Variants in TBC1D1 observed in about 807,000 individuals in gnomAD.
The protein encoded by TBC1D1 is TBC1 domain family member 1.
Under a neutral mutation model 125.6 loss-of-function variants are expected in TBC1D1, and 89 were observed. The observed-to-expected ratio is 0.71, with a 90% confidence interval of 0.60 to 0.85. The LOEUF (loss-of-function observed/expected upper bound fraction) is 0.85, where lower values mean the gene tolerates loss of function less well. Ranked by LOEUF, TBC1D1 falls within the 40% of genes least tolerant of loss-of-function variation. The pLI, the probability that TBC1D1 is intolerant of heterozygous loss-of-function variation, is 0.00. For missense variants in TBC1D1, 1,377 were observed against 1,469.2 expected (o/e 0.94, Z 1.03); for synonymous variants, 565 against 564.1 (o/e 1.00, Z -0.02).
At chr4:38,098,519 A>G (rs1187805500) in intron 14 of TBC1D1, among the ~76,000 whole-genome samples, 1 of 152,188 alleles carries the variant, frequency 6.6e-6, no homozygotes, top group Non-Finnish European at 1.5e-5. Context: ...GGCACAGATG[A>G]TTGAGCATTC....
chr4:38,069,129 C>CT (rs1754257363), intron 12 of TBC1D1, among the ~76,000 whole-genome samples: 1 of 152,166 alleles, frequency 6.6e-6, no homozygotes, highest in Non-Finnish European at 1.5e-5. Context: ...GAAATAGAGG[C>CT]TTTAGGGGAA....
At chr4:37,940,597 G>C (rs987964004) in intron 2 of TBC1D1, among the ~76,000 whole-genome samples, 2 of 152,184 alleles carry the variant, frequency 1.3e-5, no homozygotes, top group Non-Finnish European at 2.9e-5. Flanking sequence ...TCCCTGTCTT[G>C]TGCCAGTTTT....
intron 2 of TBC1D1, among the ~76,000 whole-genome samples, chr4:37,933,766 A>G (rs986232793): frequency 2.0e-5 from 3 of 151,960 alleles, no homozygotes; most frequent in African/African-American, 7.3e-5. Context: ...ACTGATCGGA[A>G]TCACCATGGG....
At chr4:38,119,947 T>C (rs1309978420) in intron 17 of TBC1D1, 1 of 985,270 alleles carries the variant, frequency 1.0e-6, no homozygotes, top group African/African-American at 1.7e-5. Flanking sequence ...GTTCTGGGGC[T>C]CTGGAAGAGA....
At chr4:37,919,572 G>A (rs1720488639) in intron 2 of TBC1D1, among the ~76,000 whole-genome samples, 1 of 151,932 alleles carries the variant, frequency 6.6e-6, no homozygotes, top group African/African-American at 2.4e-5. Context: ...ACTCATATGT[G>A]ATCACTGGTT....
chr4:37,895,099 G>C (rs896949764), intron 1 of TBC1D1, among the ~76,000 whole-genome samples: 1 of 152,214 alleles, frequency 6.6e-6, no homozygotes, highest in Non-Finnish European at 1.5e-5. Context: ...AAAGGGCCTG[G>C]GTTCAAATCC....
intron 2 of TBC1D1, among the ~76,000 whole-genome samples, chr4:37,925,054 C>A (rs17425152): frequency 1.3e-5 from 2 of 152,150 alleles, no homozygotes; most frequent in South Asian, 4.1e-4. Flanking sequence ...CTGTGCTATG[C>A]TCTTGCTGCT....
In TBC1D1 at chr4:38,014,387, T is replaced by C. The variant is rs2152426410; in HGVS notation, c.418-122T>C. The C allele has an allele frequency of 3.3e-6, 3 of 915,908 alleles. No individual in the cohort carries two copies. The highest frequency in any genetic ancestry group is 5.0e-6 in the Non-Finnish European group (3 of 601,066). The allele number at this position is 915,908 out of a possible 1,614,324, so 56.7% of individuals were successfully genotyped here. ...CCCGTGGGCTCCTCCTCCAGTGGGC[T>C]CCTCCTCCAGTGCTCCGCAGTGGAG... On this transcript the variant is annotated intron_variant, in intron 2 of 19. Coordinates refer to ENST00000261439, the MANE Select transcript of TBC1D1 (RefSeq NM_015173.4). The surrounding 1 kb of genome is among the most constrained non-coding windows in gnomAD (Gnocchi z 5.1).
intron 2 of TBC1D1, chr4:37,960,449 C>G (rs550667586): frequency 6.2e-7 from 1 of 1,613,420 alleles, no homozygotes; most frequent in Admixed American, 1.7e-5. Flanking sequence ...CTACTCTGAT[C>G]TACGTTGATA....
intron 2 of TBC1D1, among the ~76,000 whole-genome samples, chr4:37,975,382 C>T (rs1165458650): frequency 2.6e-5 from 4 of 152,192 alleles, no homozygotes; most frequent in African/African-American, 9.7e-5. Flanking sequence ...AGACTAAGAG[C>T]GTGACCACTG....
At chr4:37,964,804 A>G (rs1367477668) in intron 2 of TBC1D1, among the ~76,000 whole-genome samples, 1 of 152,128 alleles carries the variant, frequency 6.6e-6, no homozygotes, top group African/African-American at 2.4e-5. Context: ...ATCTGCTGCC[A>G]TTTCATGTCT....
chr4:37,899,588 T>C (rs1715393552), intron 1 of TBC1D1, among the ~76,000 whole-genome samples: 1 of 151,736 alleles, frequency 6.6e-6, no homozygotes, highest in Non-Finnish European at 1.5e-5. Flanking sequence ...CGGATAAATG[T>C]TACAAAGGTT....
rs544012831 is a variant in TBC1D1, at chr4:38,128,282, T to A, written c.3132+3151T>A. 3.9e-5 allele frequency among the ~76,000 whole-genome samples: 6 copies of A among 152,316 alleles called. No homozygotes were observed. The South Asian group carries it at 1.2e-3, about 32-fold the overall frequency. On this transcript the variant is annotated intron_variant, in intron 18 of 19. Transcript: ENST00000261439. The stretch of plus-strand genomic sequence containing the variant: ...CCCCTCTTTCCCTCTGGTGTTTCTA[T>A]CTGAACTTGACATCTGAGTGTTCTC...
chr4:38,058,639 A>G (rs993850427), intron 12 of TBC1D1, among the ~76,000 whole-genome samples: 5 of 152,238 alleles, frequency 3.3e-5, no homozygotes, highest in African/African-American at 9.6e-5. Context: ...GCAAACTTCA[A>G]TTGGACAGGA....
At chr4:38,065,206 C>T (rs1412433684) in intron 12 of TBC1D1, among the ~76,000 whole-genome samples, 1 of 152,102 alleles carries the variant, frequency 6.6e-6, no homozygotes, top group Non-Finnish European at 1.5e-5. Context: ...CCTTGGCCTC[C>T]CCAAGTGCTG....
chr4:37,952,425 A>G (rs1578015716), intron 2 of TBC1D1: 1 of 275,272 alleles, frequency 3.6e-6, no homozygotes, highest in Non-Finnish European at 7.2e-6. Flanking sequence ...TGGTACATAC[A>G]CACCATGGAA....
intron 2 of TBC1D1, among the ~76,000 whole-genome samples, chr4:38,011,003 T>C (rs1417098462): frequency 6.6e-6 from 1 of 152,238 alleles, no homozygotes; most frequent in Non-Finnish European, 1.5e-5. Context: ...GTTAGAAGGA[T>C]AAAGAATTCA....
intron 12 of TBC1D1, among the ~76,000 whole-genome samples, chr4:38,084,751 G>A (rs935585582): frequency 6.7e-6 from 1 of 149,566 alleles, no homozygotes; most frequent in African/African-American, 2.5e-5. Context: ...ATGGAGTTCA[G>A]AATTTTCAAG....
chr4:37,902,853 G>C (rs1716378074), intron 2 of TBC1D1, among the ~76,000 whole-genome samples: 1 of 152,296 alleles, frequency 6.6e-6, no homozygotes, highest in African/African-American at 2.4e-5. Flanking sequence ...AGTCACCTGG[G>C]GATCTTGTTA....
Sources: gnomAD v4.1 joint callset for allele counts (sites outside exome capture counted in the v4.1 genomes callset) on GRCh38, gnomAD v4.1.1 for gene constraint, Gnocchi (gnomAD v3.1) non-coding constraint, MANE v1.5 for transcripts, NCBI Gene and HGNC (gene_info 2026-07-23, HGNC 2026-07-21) for gene names.